The following SYN3 variants were observed in gnomAD, a reference collection of about 807,000 sequenced individuals.
SYN3 encodes the protein synapsin III, also known as synapsin-3.
Under a neutral mutation model 65.8 loss-of-function variants are expected in SYN3, and 35 were observed. The observed-to-expected ratio is 0.53, with a 90% CI of 0.41 to 0.70. The LOEUF is 0.70. SYN3 is among the 30% of genes least tolerant of loss of function. The probability of loss-of-function intolerance (pLI) is 0.00; values close to 1 mark genes in which losing one functional copy is unlikely to be tolerated. For missense variants in SYN3, 680 were observed against 749.0 expected, an observed-to-expected ratio of 0.91 and a Z score of 1.08; for synonymous variants, 270 against 292.9, an observed-to-expected ratio of 0.92 and a Z score of 0.80.
chr22:32,556,893 G>C (rs761359126), intron 7 of SYN3, among the ~76,000 whole-genome samples: 1 of 139,724 alleles, frequency 7.2e-6, no homozygotes, highest in Non-Finnish European at 1.5e-5. Context: ...TCCTGGCCTC[G>C]AATGGTCCTC....
chr22:32,521,561 C>G (rs1022029597), intron 12 of SYN3, among the ~76,000 whole-genome samples: 16 of 151,280 alleles, frequency 1.1e-4, no homozygotes, highest in African/African-American at 3.6e-4. Flanking sequence ...ATTCTCCTGC[C>G]TCAGCCTCTC....
chr22:32,672,200 T>TA (rs1433870780), intron 6 of SYN3, among the ~76,000 whole-genome samples: 5 of 152,136 alleles, frequency 3.3e-5, no homozygotes, highest in Non-Finnish European at 5.9e-5. Context: ...CTGCATTTAT[T>TA]AAAAAAAGGT....
chr22:32,552,106 A>T (rs135482), intron 7 of SYN3, among the ~76,000 whole-genome samples: 1 of 151,962 alleles, frequency 6.6e-6, no homozygotes, highest in Non-Finnish European at 1.5e-5. Context: ...ATTAGCTGAG[A>T]GTGGTGGCGG....
chr22:32,771,060 C>A (rs1360476723), intron 6 of SYN3, among the ~76,000 whole-genome samples: 1 of 151,994 alleles, frequency 6.6e-6, no homozygotes, highest in Non-Finnish European at 1.5e-5. Flanking sequence ...CCTCCCCTTG[C>A]CCCTCACCCC....
intron 6 of SYN3, among the ~76,000 whole-genome samples, chr22:32,732,041 G>A (rs2061277520): frequency 6.6e-6 from 1 of 152,208 alleles, no homozygotes; most frequent in South Asian, 2.1e-4. Flanking sequence ...AGCAAAAAAT[G>A]TTTAATGCAT....
intron 4 of SYN3, among the ~76,000 whole-genome samples, chr22:32,910,625 G>A (rs1208844528): frequency 5.4e-5 from 8 of 147,888 alleles, no homozygotes; most frequent in Non-Finnish European, 1.1e-4. Context: ...GACCTTGGAC[G>A]AGTTATTCGG....
At chr22:33,019,300 C>T (rs139652054) in intron 1 of SYN3, among the ~76,000 whole-genome samples, 9 of 152,256 alleles carry the variant, frequency 5.9e-5, no homozygotes, top group Non-Finnish European at 1.0e-4. Context: ...TCCCTCTGCC[C>T]GGAATACTGC....
At chr22:32,525,056 A>AGT (rs1389175018) in intron 12 of SYN3, among the ~76,000 whole-genome samples, 1 of 152,254 alleles carries the variant, frequency 6.6e-6, no homozygotes, top group Non-Finnish European at 1.5e-5. Context: ...TGCCATAGAC[A>AGT]GTGATTCCTC....
chr22:32,942,605 T>C (rs887149999), intron 3 of SYN3, among the ~76,000 whole-genome samples: 6 of 152,210 alleles, frequency 3.9e-5, no homozygotes, highest in South Asian at 2.1e-4. Context: ...AGAATGACTT[T>C]GACGAGTTGA....
At chr22:32,852,611 C>T (rs930050174) in intron 6 of SYN3, among the ~76,000 whole-genome samples, 4 of 152,038 alleles carry the variant, frequency 2.6e-5, no homozygotes, top group African/African-American at 4.8e-5. Flanking sequence ...CCTGAGACTC[C>T]GAGCCGCCCT....
intron 3 of SYN3, among the ~76,000 whole-genome samples, chr22:32,969,460 C>T (rs189978724): frequency 5.9e-5 from 9 of 152,300 alleles, no homozygotes; most frequent in South Asian, 2.1e-4. Flanking sequence ...CACAGGTAAA[C>T]GTGAAAAACA....
intron 4 of SYN3, chr22:32,930,973 A>G (rs1187554094): frequency 6.4e-6 from 1 of 156,404 alleles, no homozygotes; most frequent in East Asian, 1.8e-4. Flanking sequence ...AATTTCATTT[A>G]TTCTAATAAA....
intron 7 of SYN3, among the ~76,000 whole-genome samples, chr22:32,579,719 A>G (rs537774148): frequency 6.6e-6 from 1 of 152,330 alleles, no homozygotes; most frequent in Non-Finnish European, 1.5e-5. Context: ...CGCTTGGGTC[A>G]CTTGCTGCCA....
intron 10 of SYN3, among the ~76,000 whole-genome samples, chr22:32,532,712 C>T (rs1015837607): frequency 2.0e-5 from 3 of 152,130 alleles, no homozygotes; most frequent in African/African-American, 7.2e-5. Context: ...CCCTGGGGAG[C>T]GAGGCAGACA....
intron 2 of SYN3, among the ~76,000 whole-genome samples, chr22:32,994,023 T>TC (rs1282292409): frequency 2.0e-5 from 3 of 151,616 alleles, no homozygotes; most frequent in African/African-American, 4.9e-5. Context: ...TCTTCACTGT[T>TC]CCCCCCTCCT....
chr22:33,047,336 G>C (rs2054085236), intron 1 of SYN3, among the ~76,000 whole-genome samples: 1 of 152,106 alleles, frequency 6.6e-6, no homozygotes, highest in African/African-American at 2.4e-5. Flanking sequence ...GAATGAATGA[G>C]CACACCCAAG....
At chr22:32,700,425 AC>A (rs2060795963) in intron 6 of SYN3, among the ~76,000 whole-genome samples, 1 of 152,070 alleles carries the variant, frequency 6.6e-6, no homozygotes, top group Non-Finnish European at 1.5e-5. Flanking sequence ...GAGGGTCATG[AC>A]CCTCCACAAA....
intron 4 of SYN3, among the ~76,000 whole-genome samples, chr22:32,884,863 G>A (rs1046204717): frequency 1.3e-5 from 2 of 152,072 alleles, no homozygotes; most frequent in Non-Finnish European, 2.9e-5. Flanking sequence ...GCGACAGAGC[G>A]AGACTGTCTC....
intron 7 of SYN3, among the ~76,000 whole-genome samples, chr22:32,556,803 G>GTTTTTTTTTTTTTTTTTTTTTTTTTTTT (rs1491135400): frequency 5.7e-5 from 2 of 35,262 alleles, no homozygotes; most frequent in Non-Finnish European, 5.6e-5. Flanking sequence ...TAGGTTTCCT[G>GTTTTTTTTTTTTTTTTTTTTTTTTTTTT]GTTTTTTTTT....
Sources: allele counts gnomAD v4.1 joint callset (sites outside exome capture counted in the v4.1 genomes callset), GRCh38; gene constraint gnomAD v4.1.1; transcripts MANE v1.5; gene names NCBI Gene and HGNC (gene_info 2026-07-23, HGNC 2026-07-21).